Variants in WWP2 observed in about 807,000 individuals in gnomAD.
The protein encoded by WWP2 is WW domain containing E3 ubiquitin protein ligase 2.
WWP2 carries 57 observed loss-of-function variants against 121.0 expected under a neutral mutation model. That is an observed-to-expected ratio of 0.47 (90% confidence interval 0.38 to 0.59). WWP2 has a LOEUF of 0.59. Ranked by LOEUF, WWP2 falls within the 20% of genes least tolerant of loss-of-function variation. The probability of loss-of-function intolerance (pLI) is 0.00; values close to 1 mark genes in which losing one functional copy is unlikely to be tolerated. For synonymous variants in WWP2, 449 were observed against 441.3 expected (o/e 1.02, Z -0.22); for missense variants, 962 against 1,158.9 (o/e 0.83, Z 2.47).
At chr16:69,876,351 G>T (rs1315464664) in intron 7 of WWP2, among the ~76,000 whole-genome samples, 1 of 145,332 alleles carries the variant, frequency 6.9e-6, no homozygotes, top group Non-Finnish European at 1.5e-5. Flanking sequence ...CATGTTTTTT[G>T]GGGTTTTTTT....
chr16:69,768,580 A>G (rs1274132872), intron 1 of WWP2, among the ~76,000 whole-genome samples: 2 of 152,194 alleles, frequency 1.3e-5, no homozygotes, highest in Admixed American at 1.3e-4. Flanking sequence ...ACTGCCCTCT[A>G]GCCTGGGCAA....
intron 7 of WWP2, among the ~76,000 whole-genome samples, chr16:69,887,733 T>C (rs1187557438): frequency 1.3e-5 from 2 of 152,174 alleles, no homozygotes; most frequent in East Asian, 1.9e-4. Flanking sequence ...TGTTGATCTT[T>C]CCTGCTACTC....
chr16:69,850,644 AG>A (rs2057191016), intron 6 of WWP2, among the ~76,000 whole-genome samples: 1 of 152,180 alleles, frequency 6.6e-6, no homozygotes, highest in African/African-American at 2.4e-5. Flanking sequence ...CTGCAGGCAG[AG>A]GGTACAGCAT....
At chr16:69,926,706 G>T (rs538663777) in intron 11 of WWP2, among the ~76,000 whole-genome samples, 62 of 152,254 alleles carry the variant, frequency 4.1e-4, no homozygotes, top group African/African-American at 1.4e-3. Context: ...TCAGCTTGGG[G>T]ATCCCTTACG....
intron 6 of WWP2, among the ~76,000 whole-genome samples, chr16:69,853,407 G>T (rs9922603): frequency 0.011 from 1,637 of 152,278 alleles, 26 homozygotes; most frequent in African/African-American, 0.036. Context: ...CATGGTGTCT[G>T]CTGGAGCCCC....
chr16:69,872,157 A>G (rs1271206551), intron 7 of WWP2, among the ~76,000 whole-genome samples: 1 of 152,210 alleles, frequency 6.6e-6, no homozygotes, highest in Admixed American at 6.5e-5. Flanking sequence ...GCGCTCTTCT[A>G]AAATACTCAT....
intron 6 of WWP2, among the ~76,000 whole-genome samples, chr16:69,853,612 G>T (rs1317378690): frequency 6.6e-6 from 1 of 152,210 alleles, no homozygotes; most frequent in Non-Finnish European, 1.5e-5. Context: ...GTCTGATACA[G>T]TGGGGCTGAG....
intron 9 of WWP2, among the ~76,000 whole-genome samples, chr16:69,911,112 C>G (rs915405824): frequency 1.3e-5 from 2 of 152,210 alleles, no homozygotes; most frequent in African/African-American, 4.8e-5. Context: ...AATTTTGAAA[C>G]TACAGATGGA....
At chr16:69,852,139 A>G (rs1048460631) in intron 6 of WWP2, among the ~76,000 whole-genome samples, 23 of 152,242 alleles carry the variant, frequency 1.5e-4, no homozygotes, top group African/African-American at 5.1e-4. Context: ...CATTGCCACC[A>G]GCAGTGAGTG....
intron 6 of WWP2, among the ~76,000 whole-genome samples, chr16:69,846,070 A>AAAAAAAAAG (rs58504050): frequency 9.3e-5 from 14 of 149,742 alleles, no homozygotes; most frequent in African/African-American, 3.5e-4. Context: ...AAAAAAAAAA[A>AAAAAAAAAG]GAATACTTAT....
intron 7 of WWP2, among the ~76,000 whole-genome samples, chr16:69,886,668 G>A (rs1277109800): frequency 6.6e-6 from 1 of 152,206 alleles, no homozygotes; most frequent in African/African-American, 2.4e-5. Flanking sequence ...ACTGAGGCAT[G>A]AGAATTGCTT....
At chr16:69,795,649 GTTTTTTTTTTTTTT>G (rs386384998) in intron 2 of WWP2, among the ~76,000 whole-genome samples, 2 of 66,928 alleles carry the variant, frequency 3.0e-5, no homozygotes. Context: ...AAAATAGGAG[GTTTTTTTTTTTTTT>G]TTTTTTTTTT....
intron 4 of WWP2, among the ~76,000 whole-genome samples, chr16:69,801,836 A>C (rs965900608): frequency 6.6e-6 from 1 of 152,116 alleles, no homozygotes; most frequent in African/African-American, 2.4e-5. Flanking sequence ...TGTTTATGAC[A>C]TCAATGAAAC....
intron 4 of WWP2, among the ~76,000 whole-genome samples, chr16:69,823,476 T>G (rs1354666051): frequency 1.4e-5 from 2 of 141,084 alleles, no homozygotes; most frequent in East Asian, 2.0e-4. Context: ...TTTTCTTGTG[T>G]TTTTTTTTTT....
intron 7 of WWP2, among the ~76,000 whole-genome samples, chr16:69,872,750 G>C (rs911577512): frequency 6.6e-6 from 1 of 152,164 alleles, no homozygotes; most frequent in South Asian, 2.1e-4. Context: ...TCCCGATGGG[G>C]GCCCCATTTG....
At chr16:69,917,522 G>A in intron 9 of WWP2, 187 bp from the exon 10 acceptor site, 2 of 544,116 alleles carry the variant, frequency 3.7e-6, no homozygotes, top group Non-Finnish European at 3.1e-6. Flanking sequence ...ATTAGAAATT[G>A]AGAGCTAATG....
At position 69,873,087 on chromosome 16, in the gene WWP2, G is replaced by A. The variant is rs28429826; in HGVS notation, c.703+1156G>A. On this transcript the variant is annotated intron_variant, in intron 7 of 23. Coordinates refer to ENST00000359154, the MANE Select transcript of WWP2 (RefSeq NM_001270454.2). ...GTGTTGAAATTTGGTAAGTGACGCT[G>A]AGATAGTTTTCTAGTGCTCGTGACA... is the stretch of plus-strand genomic sequence containing the variant. 2.2e-3 allele frequency among the ~76,000 whole-genome samples: 342 copies of A among 152,302 alleles called. 3 individuals carry two copies. Among genetic ancestry groups the A allele is most frequent in the African/African-American group, 7.5e-3 (313 of 41,570 alleles).
intron 4 of WWP2, among the ~76,000 whole-genome samples, chr16:69,817,337 C>G (rs2056513316): frequency 6.6e-6 from 1 of 152,206 alleles, no homozygotes; most frequent in Non-Finnish European, 1.5e-5. Flanking sequence ...CAGCTTCAAC[C>G]TCCCAGGCTC....
rs906219303 is a variant in WWP2, at chr16:69,799,474, T to A, written c.340+179T>A. 1.3e-6 allele frequency: 1 copy of A among 768,428 alleles called. No homozygotes were observed. The highest frequency in any genetic ancestry group is 2.0e-6 in the Non-Finnish European group (1 of 508,110). 47.6% of individuals were successfully genotyped at this position (768,428 alleles called of 1,614,324 possible). ...GCTCCTCTCTGCCTCCACTACAGAG[T>A]TTAGCCCTCTTTGTCCAGGGCCTCT... On this transcript the variant is annotated intron_variant, in intron 4 of 23. Transcript: ENST00000359154. The surrounding 1 kb of genome is among the most constrained non-coding windows in gnomAD (Gnocchi z 4.5).
Sources: gnomAD v4.1 joint callset for allele counts (sites outside exome capture counted in the v4.1 genomes callset) on GRCh38, gnomAD v4.1.1 for gene constraint, Gnocchi (gnomAD v3.1) non-coding constraint, MANE v1.5 for transcripts, NCBI Gene and HGNC (gene_info 2026-07-23, HGNC 2026-07-21) for gene names.